Variants in PYROXD1 observed in about 807,000 individuals in gnomAD.
PYROXD1 encodes tRNA ligase complex-associated NAD(P)H dehydrogenase PYROXD1.
PYROXD1 carries 42 observed loss-of-function variants against 62.0 expected under a neutral mutation model. The ratio of observed to expected loss-of-function variants is 0.68; its 90% CI spans 0.53 to 0.88. The LOEUF (loss-of-function observed/expected upper bound fraction) is 0.88. Ranked by LOEUF, PYROXD1 falls within the 40% of genes least tolerant of loss-of-function variation. PYROXD1 has a pLI of 0.00. For synonymous variants in PYROXD1, 170 were observed against 206.4 expected, an observed-to-expected ratio of 0.82 and a Z score of 1.51; for missense variants, 493 against 604.8, an observed-to-expected ratio of 0.82 and a Z score of 1.94.
In PYROXD1 at chr12:21,437,752, C is replaced by T. The variant is rs370239493; in HGVS notation, c.22C>T (p.Pro8Ser). The T allele has an allele frequency of 1.2e-6, 2 of 1,612,968 alleles. No individual in the cohort carries two copies. The highest frequency in any genetic ancestry group is 8.5e-7 in the Non-Finnish European group (1 of 1,179,746). Residue 8 changes from proline (P) to serine (S), a missense_variant, in exon 1 of 12, where the codon CCG becomes TCG. Physicochemically the swap from Pro to Ser is moderately conservative, Grantham distance 74. Coordinates refer to ENST00000240651, the MANE Select transcript of PYROXD1 (RefSeq NM_024854.5). ...CAGCATGGAGGCAGCGCGCCCTCCC[C>T]CGACGGCAGGGAAGTTCGTGGTGGT... The part of the protein sequence containing the change: MEAARPP[P>S]TAGKFVVVGG...
rs140460108 is a variant in PYROXD1, at chr12:21,449,642, G to A, written c.365G>A (p.Cys122Tyr). 1.9e-3 allele frequency: 3,106 copies of A among 1,613,204 alleles called. 9 individuals are homozygous for A. Among genetic ancestry groups the A allele is most frequent in the Non-Finnish European group, 2.5e-3 (2,994 of 1,179,330 alleles). The change falls in exon 4 of 12, where the codon TGT becomes TAT. Residue 122 changes from cysteine to tyrosine, a missense_variant. Physicochemically the swap from Cys to Tyr is radical, Grantham distance 194. Coordinates refer to ENST00000240651, the MANE Select transcript of PYROXD1 (RefSeq NM_024854.5). ...LCAGAKPKLI[C>Y]EGNPYVLGIR... The stretch of plus-strand genomic sequence containing the variant: ...GCTGGAGCTAAACCAAAGTTGATAT[G>A]TGAAGGAAATCCTTATGTATTAGGA...
intron 1 of PYROXD1, chr12:21,438,132 T>A: frequency 3.2e-6 from 1 of 316,758 alleles, no homozygotes; most frequent in African/African-American, 2.1e-5. Context: ...CAGCCCCCTT[T>A]CTTTTTATTT....
intron 2 of PYROXD1, among the ~76,000 whole-genome samples, chr12:21,444,559 A>G (rs1251383476): frequency 6.6e-6 from 1 of 152,226 alleles, no homozygotes; most frequent in East Asian, 1.9e-4. Flanking sequence ...ACATTTATTA[A>G]GTGCTTACCA....
At chr12:21,441,886 C>T (rs1942301794) in intron 2 of PYROXD1, among the ~76,000 whole-genome samples, 1 of 152,230 alleles carries the variant, frequency 6.6e-6, no homozygotes, top group Non-Finnish European at 1.5e-5. Context: ...GTGGAAAGAC[C>T]TTCCCCTATG....
rs757103085 is a variant in PYROXD1 at position 21,462,016 on chromosome 12, CCTGT to C, written c.892_895del (p.Val298MetfsTer4). ...GTTTTTTTTTCTTAAAGAGATGTGG[CCTGT>C]CTATGTGGAATTGACCAATGAAAAG... On this transcript the variant is annotated frameshift_variant, in exon 9 of 12. Coordinates refer to ENST00000240651, the MANE Select transcript of PYROXD1 (RefSeq NM_024854.5). LOFTEE classifies it high-confidence loss of function. The C allele has an allele frequency of 2.9e-5, 46 of 1,605,616 alleles. No homozygotes were observed. The highest frequency in any genetic ancestry group is 1.1e-4 in the African/African-American group (8 of 74,566).
chr12:21,471,039 G>C lies in PYROXD1; in HGVS notation c.*2285G>C, dbSNP rs747980779. ...ATGTGCCTCATTGTTCAGAAGATTA[G>C]CTTTAGGTCCTATTTTCAAATACGA... On this transcript the variant is annotated 3_prime_UTR_variant, in exon 12 of 12. Coordinates refer to ENST00000240651, the MANE Select transcript of PYROXD1 (RefSeq NM_024854.5). The C allele has an allele frequency of 6.2e-7, 1 of 1,601,908 alleles. No individual in the cohort carries two copies. Among genetic ancestry groups the C allele is most frequent in the South Asian group, 1.1e-5 (1 of 89,380 alleles).
chr12:21,464,246 G>C (rs938537499), intron 10 of PYROXD1, among the ~76,000 whole-genome samples: 2 of 151,556 alleles, frequency 1.3e-5, no homozygotes, highest in African/African-American at 4.9e-5. Flanking sequence ...CTTGTTTTGA[G>C]TGCACCTTAT....
intron 6 of PYROXD1, 91 bp from the exon 7 acceptor site, chr12:21,455,903 TG>T (rs1942587181): frequency 1.4e-6 from 1 of 720,438 alleles, no homozygotes; most frequent in Admixed American, 2.6e-5. Context: ...TGTATATATA[TG>T]AATCATTACA....
intron 2 of PYROXD1, among the ~76,000 whole-genome samples, chr12:21,444,606 C>T (rs1429197986): frequency 6.6e-6 from 1 of 152,158 alleles, no homozygotes; most frequent in Non-Finnish European, 1.5e-5. Context: ...CAGATCTATT[C>T]TATGATCCTT....
chr12:21,470,084 T>G lies in PYROXD1; in HGVS notation c.*1330T>G. ...GATAAGCTCTGAAAATATAGATCCA[T>G]ACATATAAAATATCTATGAAATTCT... is the stretch of plus-strand genomic sequence containing the variant. On this transcript the variant is annotated 3_prime_UTR_variant, in exon 12 of 12. Transcript: ENST00000240651. 1 of 875,844 alleles carries G rather than the reference T, an allele frequency of 1.1e-6. No individual in the cohort carries two copies. Among genetic ancestry groups the G allele is most frequent in the Non-Finnish European group, 1.7e-6 (1 of 578,810 alleles). 54.3% of individuals were successfully genotyped at this position (875,844 alleles called of 1,614,324 possible). A position where few individuals can be genotyped will look rare whatever the true frequency, so the allele number is the denominator to read the frequency against.
chr12:21,455,287 C>A lies in PYROXD1; in HGVS notation c.644C>A (p.Thr215Asn), dbSNP rs769593817. ...GCACATAAAAGAACCAGATATACAACTGAAGGTAAGTGTAGCACCTAGCTC... is the reference window on the plus strand; with the variant it reads ...GCACATAAAAGAACCAGATATACAAATGAAGGTAAGTGTAGCACCTAGCTC... ...KIAHKRTRYTTEGRKKEARSK... is the reference protein window; with the variant it reads ...KIAHKRTRYTNEGRKKEARSK... The change falls in exon 6 of 12, where the codon ACT becomes AAT. Residue 215 changes from threonine (T) to asparagine (N), a missense_variant. By Grantham distance (65) the Thr-to-Asn change is moderately conservative. This residue lies in a region of PYROXD1 where 329 missense variants were observed against 446.6 expected (regional missense o/e 0.74). Transcript: ENST00000240651. The A allele has an allele frequency of 8.4e-6, 13 of 1,547,048 alleles. No individual in the cohort carries two copies. The African/African-American group carries it at 1.7e-4, about 20-fold the overall frequency.
chr12:21,452,755 A>T (rs1240747848), intron 5 of PYROXD1, among the ~76,000 whole-genome samples: 1 of 152,136 alleles, frequency 6.6e-6, no homozygotes, highest in African/African-American at 2.4e-5. Context: ...GATTCACTTC[A>T]TGATTTTATC....
chr12:21,450,555 T>G (rs7133853), intron 4 of PYROXD1, among the ~76,000 whole-genome samples: 58,167 of 151,970 alleles, frequency 0.38, 11,379 homozygotes, highest in Middle Eastern at 0.48. Context: ...GTAATTTAAT[T>G]TAATTCAGGG....
chr12:21,461,938 C>G (rs1255089012), intron 8 of PYROXD1, 70 bp from the exon 9 acceptor site: 6 of 849,692 alleles, frequency 7.1e-6, no homozygotes, highest in African/African-American at 1.7e-5. Flanking sequence ...TCATTGTAGT[C>G]ACATACACTG....
chr12:21,454,756 A>G (rs1044726698), intron 5 of PYROXD1: 1 of 153,886 alleles, frequency 6.5e-6, no homozygotes, highest in African/African-American at 2.4e-5. Flanking sequence ...CCATCCATCC[A>G]TTACTTGATT....
chr12:21,467,372 CAG>C (rs1942816623), intron 10 of PYROXD1, 107 bp from the exon 11 acceptor site: 2 of 1,008,416 alleles, frequency 2.0e-6, no homozygotes, highest in South Asian at 2.1e-5. Context: ...GCAAAGATGA[CAG>C]AAAGACTGTC....
intron 10 of PYROXD1, 176 bp from the exon 11 acceptor site, chr12:21,467,304 GA>G (rs1942815043): frequency 2.0e-6 from 1 of 507,504 alleles, no homozygotes; most frequent in African/African-American, 2.0e-5. Flanking sequence ...AATTTAGATA[GA>G]ATTAACAAAT....
Position 21,469,309 on chromosome 12 carries a change from A to C in PYROXD1, c.*555A>C, listed in dbSNP as rs1332987997. 2 of 152,754 alleles carry C rather than the reference A, an allele frequency of 1.3e-5. No homozygotes were observed. Among genetic ancestry groups the C allele is most frequent in the Non-Finnish European group, 2.9e-5 (2 of 68,514 alleles). 9.5% of individuals were successfully genotyped at this position (152,754 alleles called of 1,614,324 possible). The stretch of plus-strand genomic sequence containing the variant: ...AGCCCACGGGTCTAATGCAGCCCAG[A>C]ACAGCTTTGAATGCAGCCCAACACA... On this transcript the variant is annotated 3_prime_UTR_variant, in exon 12 of 12. Transcript: ENST00000240651.
At chr12:21,461,317 T>C (rs967690212) in intron 8 of PYROXD1, among the ~76,000 whole-genome samples, 163 bp downstream of exon 8, 2 of 150,970 alleles carry the variant, frequency 1.3e-5, no homozygotes, top group Non-Finnish European at 2.9e-5. Context: ...TCACTTCATT[T>C]CACTGTCTGT....
Sources: gnomAD v4.1 joint callset for allele counts (sites outside exome capture counted in the v4.1 genomes callset) on GRCh38, gnomAD v4.1.1 for gene constraint, gnomAD v4.1.1 regional missense constraint, MANE v1.5 for transcripts, NCBI Gene and HGNC (gene_info 2026-07-23, HGNC 2026-07-21) for gene names.